Variants in FOXP2 observed in about 807,000 individuals in gnomAD.
FOXP2 encodes the protein forkhead box protein P2.
In FOXP2, 12 loss-of-function variants were observed where a neutral mutation model predicts 115.8. The ratio of observed to expected loss-of-function variants is 0.10; its 90% CI spans 0.07 to 0.17. The LOEUF is 0.17. Among genes scored for constraint, FOXP2 ranks in the 10% least tolerant of loss-of-function variants. The pLI is 1.00. For missense variants in FOXP2, 629 were observed against 843.5 expected (o/e 0.75, Z 3.15); for synonymous variants, 328 against 297.7 (o/e 1.10, Z -1.05).
chr7:114,131,233 C>T (rs1030345616), intron 1 of FOXP2, among the ~76,000 whole-genome samples: 2 of 152,118 alleles, frequency 1.3e-5, no homozygotes, highest in African/African-American at 4.8e-5. Context: ...CTGTGAAGCT[C>T]TTATACTCTA....
chr7:114,215,383 T>A (rs1373477933), intron 1 of FOXP2, among the ~76,000 whole-genome samples: 2 of 152,166 alleles, frequency 1.3e-5, no homozygotes, highest in African/African-American at 4.8e-5. Flanking sequence ...TTTACATGAT[T>A]TTTTATGGTT....
intron 3 of FOXP2, among the ~76,000 whole-genome samples, chr7:114,593,331 T>C (rs1802534005): frequency 6.6e-6 from 1 of 151,958 alleles, no homozygotes; most frequent in Non-Finnish European, 1.5e-5. Flanking sequence ...TGTGTGTGTA[T>C]AAATACTTGC....
chr7:114,530,115 A>G (rs1799069632), intron 2 of FOXP2, among the ~76,000 whole-genome samples: 1 of 151,860 alleles, frequency 6.6e-6, no homozygotes, highest in Non-Finnish European at 1.5e-5. Flanking sequence ...CCTTGTCAGT[A>G]TAACTAGGGA....
chr7:114,553,208 A>C (rs1421043089), intron 3 of FOXP2, among the ~76,000 whole-genome samples: 4 of 152,212 alleles, frequency 2.6e-5, no homozygotes, highest in Non-Finnish European at 5.9e-5. Flanking sequence ...CCCAAGTCTT[A>C]ACCTGTTACA....
chr7:114,501,342 C>G (rs1282279104), intron 2 of FOXP2, among the ~76,000 whole-genome samples: 1 of 152,064 alleles, frequency 6.6e-6, no homozygotes, highest in Non-Finnish European at 1.5e-5. Flanking sequence ...TATCAATACT[C>G]CAGTGCGGTT....
chr7:114,528,182 C>A (rs1484142636), intron 2 of FOXP2, among the ~76,000 whole-genome samples: 8 of 152,036 alleles, frequency 5.3e-5, no homozygotes, highest in Non-Finnish European at 1.0e-4. Flanking sequence ...CAATTATTTT[C>A]TTTTCACTAT....
At chr7:114,468,964 C>T (rs1009529481) in intron 2 of FOXP2, among the ~76,000 whole-genome samples, 1 of 152,266 alleles carries the variant, frequency 6.6e-6, no homozygotes, top group African/African-American at 2.4e-5. Context: ...CATAAGAACT[C>T]TTAGTAAAGC....
intron 3 of FOXP2, among the ~76,000 whole-genome samples, chr7:114,541,165 G>T (rs886500139): frequency 1.3e-5 from 2 of 152,008 alleles, no homozygotes; most frequent in Non-Finnish European, 2.9e-5. Flanking sequence ...CAAGAAAGTA[G>T]AAATAGCTAG....
At chr7:114,114,100 A>T (rs1185940552) in intron 1 of FOXP2, among the ~76,000 whole-genome samples, 2 of 151,968 alleles carry the variant, frequency 1.3e-5, no homozygotes, top group Non-Finnish European at 2.9e-5. Context: ...TTCAGTATAG[A>T]AAGTCAAAAT....
chr7:114,229,987 A>G (rs1794834489), intron 1 of FOXP2, among the ~76,000 whole-genome samples: 1 of 151,782 alleles, frequency 6.6e-6, no homozygotes, highest in Non-Finnish European at 1.5e-5. Context: ...AAATAGACAG[A>G]CTTTTAGACA....
intron 2 of FOXP2, among the ~76,000 whole-genome samples, chr7:114,402,903 T>C (rs1486004932): frequency 6.6e-6 from 1 of 152,106 alleles, no homozygotes; most frequent in Non-Finnish European, 1.5e-5. Context: ...CACCTAGGCC[T>C]CCCAAAATGC....
intron 1 of FOXP2, among the ~76,000 whole-genome samples, chr7:114,117,829 A>T (rs1168880111): frequency 1.3e-5 from 2 of 152,076 alleles, no homozygotes; most frequent in Non-Finnish European, 2.9e-5. Flanking sequence ...AGCATGATTG[A>T]GTTCAGGTGA....
intron 1 of FOXP2, among the ~76,000 whole-genome samples, chr7:114,261,629 A>G (rs1795755170): frequency 6.6e-6 from 1 of 152,174 alleles, no homozygotes; most frequent in African/African-American, 2.4e-5. Flanking sequence ...CATCTGTAAA[A>G]TAAAACGGTT....
At position 114,577,348 on chromosome 7, in the gene FOXP2, CCTA is replaced by C. The variant is rs530655530; in HGVS notation, c.258+42646_258+42648del. ...TACTTTAACAATGGCGTTCAGAAAG[CCTA>C]CTATCACCGGAGTTTTGTTATGCTA... On this transcript the variant is annotated intron_variant, in intron 3 of 16. Coordinates refer to ENST00000350908, the MANE Select transcript of FOXP2 (RefSeq NM_014491.4). 2.3e-3 allele frequency among the ~76,000 whole-genome samples: 350 copies of C among 152,022 alleles called. 3 individuals carry two copies. The highest frequency in any genetic ancestry group is 2.9e-3 in the Non-Finnish European group (196 of 67,864).
chr7:114,200,249 A>G (rs1419422711), intron 1 of FOXP2, among the ~76,000 whole-genome samples: 5 of 152,222 alleles, frequency 3.3e-5, no homozygotes, highest in African/African-American at 1.2e-4. Flanking sequence ...GCCTTACAGG[A>G]GAGGTTGCTG....
chr7:114,453,497 T>A (rs1795155447), intron 2 of FOXP2, among the ~76,000 whole-genome samples: 1 of 152,084 alleles, frequency 6.6e-6, no homozygotes, highest in African/African-American at 2.4e-5. Context: ...TAAAACAGTT[T>A]ATTTGTATAT....
chr7:114,180,667 C>T (rs1793432332), intron 1 of FOXP2, among the ~76,000 whole-genome samples: 1 of 151,966 alleles, frequency 6.6e-6, no homozygotes, highest in African/African-American at 2.4e-5. Flanking sequence ...ATTATACACT[C>T]AGTTGCCTGT....
chr7:114,144,268 T>A (rs1175323717), intron 1 of FOXP2, among the ~76,000 whole-genome samples: 2 of 152,114 alleles, frequency 1.3e-5, no homozygotes, highest in African/African-American at 4.8e-5. Context: ...TTCTTTGTGG[T>A]TTATGGTATA....
chr7:114,690,625 C>A lies in FOXP2; in HGVS notation c.*699C>A, dbSNP rs1407165262. ...GATGTAAAGTGCAATCCTAAGCTAA[C>A]ATTATCTGTGCAAGCACCATAGAAA... On this transcript the variant is annotated 3_prime_UTR_variant, in exon 17 of 17. Coordinates refer to ENST00000350908, the MANE Select transcript of FOXP2 (RefSeq NM_014491.4). 2 of 454,036 alleles carry A rather than the reference C, an allele frequency of 4.4e-6. No individual in the cohort carries two copies. Among genetic ancestry groups the A allele is most frequent in the Non-Finnish European group, 8.8e-6 (2 of 226,788 alleles). 28.1% of individuals were successfully genotyped at this position (454,036 alleles called of 1,614,324 possible).
Sources: gnomAD v4.1 joint callset for allele counts (sites outside exome capture counted in the v4.1 genomes callset) on GRCh38, gnomAD v4.1.1 for gene constraint, MANE v1.5 for transcripts, NCBI Gene and HGNC (gene_info 2026-07-23, HGNC 2026-07-21) for gene names.